Variants in CHCHD6 observed in about 807,000 individuals in gnomAD.
The protein encoded by CHCHD6 is coiled-coil-helix-coiled-coil-helix domain containing 6.
Under a neutral mutation model 32.3 loss-of-function variants are expected in CHCHD6, and 28 were observed. That is an observed-to-expected ratio of 0.87 (90% confidence interval 0.64 to 1.19). CHCHD6 has a LOEUF of 1.19. Among genes scored for constraint, CHCHD6 ranks in the 50% most tolerant of loss-of-function variants. The pLI is 0.00. For synonymous variants in CHCHD6, 122 were observed against 117.5 expected, an observed-to-expected ratio of 1.04 and a Z score of -0.25; for missense variants, 333 against 307.0, an observed-to-expected ratio of 1.08 and a Z score of -0.63.
At chr3:126,805,996 A>G (rs1220570273) in intron 4 of CHCHD6, among the ~76,000 whole-genome samples, 1 of 152,242 alleles carries the variant, frequency 6.6e-6, no homozygotes, top group African/African-American at 2.4e-5. Context: ...CTGGCTAGCC[A>G]TATGTAGAAA....
chr3:126,768,259 C>A (rs1397084944), intron 4 of CHCHD6, among the ~76,000 whole-genome samples: 1 of 152,056 alleles, frequency 6.6e-6, no homozygotes, highest in African/African-American at 2.4e-5. Flanking sequence ...GTGTGTAGCA[C>A]CTCCCCTAAC....
intron 4 of CHCHD6, among the ~76,000 whole-genome samples, chr3:126,772,426 T>G (rs1368847827): frequency 6.6e-6 from 1 of 152,154 alleles, no homozygotes; most frequent in Non-Finnish European, 1.5e-5. Context: ...GGTGCTCCTG[T>G]GTTGGGTATA....
chr3:126,845,949 G>A lies in CHCHD6; in HGVS notation c.412-6698G>A, dbSNP rs544948331. Among the ~76,000 whole-genome samples the A allele has an allele frequency of 2.0e-5, 3 of 152,230 alleles. No homozygotes were observed. In the East Asian group the frequency reaches 5.8e-4, roughly 29 times the overall value. On this transcript the variant is annotated intron_variant, in intron 4 of 7. Transcript: ENST00000290913. ...ATCAAAGGCTTGCAGCAATCCAGGA[G>A]CATTTGTTCAAGAAAAAATGAATGA...
chr3:126,928,087 A>G (rs1402822292), intron 6 of CHCHD6, among the ~76,000 whole-genome samples: 2 of 152,218 alleles, frequency 1.3e-5, no homozygotes. Context: ...ACAGTAGACC[A>G]TAGTACTCAA....
chr3:126,753,417 G>A (rs563850106), intron 4 of CHCHD6, among the ~76,000 whole-genome samples: 1 of 152,208 alleles, frequency 6.6e-6, no homozygotes, highest in African/African-American at 2.4e-5. Flanking sequence ...GCTGGGTGCA[G>A]ATCATTCCAA....
chr3:126,787,070 G>A (rs1195228046), intron 4 of CHCHD6, among the ~76,000 whole-genome samples: 1 of 152,064 alleles, frequency 6.6e-6, no homozygotes, highest in Non-Finnish European at 1.5e-5. Context: ...AGCACAATTT[G>A]TTAAATAGGG....
intron 5 of CHCHD6, among the ~76,000 whole-genome samples, chr3:126,913,998 C>T (rs115168189): frequency 2.6e-4 from 40 of 152,302 alleles, no homozygotes; most frequent in African/African-American, 7.5e-4. Flanking sequence ...GCACATGTAC[C>T]GGGTGATCTC....
intron 4 of CHCHD6, among the ~76,000 whole-genome samples, chr3:126,845,177 CTATT>C (rs147580331): frequency 0.01 from 1,532 of 152,274 alleles, 28 homozygotes; most frequent in African/African-American, 0.035. Flanking sequence ...TCTGATGTGA[CTATT>C]TAAGTCAGCC....
At chr3:126,729,365 A>G (rs1054673553) in intron 2 of CHCHD6, among the ~76,000 whole-genome samples, 5 of 152,220 alleles carry the variant, frequency 3.3e-5, no homozygotes, top group African/African-American at 9.7e-5. Flanking sequence ...ATGTTCAACA[A>G]TGTGCACTCC....
intron 4 of CHCHD6, among the ~76,000 whole-genome samples, chr3:126,840,899 T>A: frequency 7.2e-6 from 1 of 139,390 alleles, no homozygotes; most frequent in African/African-American, 2.8e-5. Flanking sequence ...TTTTAATTTA[T>A]TTTTTTTATT....
chr3:126,747,161 C>A (rs1417800046), intron 4 of CHCHD6, among the ~76,000 whole-genome samples: 1 of 152,206 alleles, frequency 6.6e-6, no homozygotes, highest in Non-Finnish European at 1.5e-5. Context: ...CGTCTCCTTT[C>A]TCCCTCTCGG....
At chr3:126,804,776 A>G (rs1473148301) in intron 4 of CHCHD6, among the ~76,000 whole-genome samples, 3 of 152,230 alleles carry the variant, frequency 2.0e-5, no homozygotes, top group Non-Finnish European at 4.4e-5. Context: ...AATATCCTTG[A>G]TGAACATTGA....
intron 5 of CHCHD6, among the ~76,000 whole-genome samples, chr3:126,877,244 A>G (rs1365957224): frequency 2.6e-5 from 4 of 152,106 alleles, no homozygotes; most frequent in Admixed American, 1.3e-4. Flanking sequence ...AACCCTGTTG[A>G]TGTTTTGTTT....
intron 4 of CHCHD6, among the ~76,000 whole-genome samples, chr3:126,747,393 A>T (rs951447149): frequency 6.6e-6 from 1 of 152,186 alleles, no homozygotes; most frequent in African/African-American, 2.4e-5. Context: ...AGTGCAACTC[A>T]TAAGGTTAGT....
chr3:126,897,118 G>A (rs984848099), intron 5 of CHCHD6, among the ~76,000 whole-genome samples: 2 of 152,198 alleles, frequency 1.3e-5, no homozygotes, highest in African/African-American at 4.8e-5. Flanking sequence ...TGTGTGGCCC[G>A]TGCTGTTCGG....
chr3:126,712,894 C>G (rs1934820763), intron 1 of CHCHD6, among the ~76,000 whole-genome samples: 1 of 152,240 alleles, frequency 6.6e-6, no homozygotes, highest in Non-Finnish European at 1.5e-5. Context: ...TCTCTGCCCC[C>G]TTAGAGATGA....
intron 4 of CHCHD6, among the ~76,000 whole-genome samples, chr3:126,796,671 C>A (rs530540280): frequency 1.6e-4 from 24 of 152,234 alleles, no homozygotes; most frequent in African/African-American, 5.8e-4. Context: ...GGGGTTAGGA[C>A]TGTGTGTGAT....
At chr3:126,892,356 A>G (rs949199799) in intron 5 of CHCHD6, among the ~76,000 whole-genome samples, 21 of 152,186 alleles carry the variant, frequency 1.4e-4, no homozygotes, top group African/African-American at 5.1e-4. Context: ...TTTCTAATCC[A>G]TACACATCAT....
intron 5 of CHCHD6, among the ~76,000 whole-genome samples, chr3:126,867,935 A>G (rs1025650733): frequency 6.6e-6 from 1 of 152,224 alleles, no homozygotes; most frequent in Non-Finnish European, 1.5e-5. Flanking sequence ...CACTGCATTC[A>G]GGAGAGAGCT....
Sources: allele counts gnomAD v4.1 joint callset (sites outside exome capture counted in the v4.1 genomes callset), GRCh38; gene constraint gnomAD v4.1.1; transcripts MANE v1.5; gene names NCBI Gene and HGNC (gene_info 2026-07-23, HGNC 2026-07-21).